CHD9: variants seen among roughly 807,000 people sequenced by gnomAD.
CHD9 encodes the protein chromodomain helicase DNA binding protein 9, also known as ATP-dependent chromatin remodeler CHD9.
A neutral mutation model predicts 316.1 loss-of-function variants in CHD9; 77 were observed. The observed-to-expected ratio is 0.24, with a 90% CI of 0.20 to 0.29. The LOEUF (loss-of-function observed/expected upper bound fraction) is 0.29. Among genes scored for constraint, CHD9 ranks in the 10% least tolerant of loss-of-function variants. The pLI is 1.00. For synonymous variants in CHD9, 1,129 were observed against 1,158.3 expected (o/e 0.97, Z 0.51); for missense variants, 2,763 against 3,438.1 (o/e 0.80, Z 4.91).
At chr16:53,302,565 T>C (rs1237050240) in intron 30 of CHD9, among the ~76,000 whole-genome samples, 1 of 152,216 alleles carries the variant, frequency 6.6e-6, no homozygotes, top group East Asian at 1.9e-4. Flanking sequence ...GCTTCACAAA[T>C]CTTGTTTCTT....
intron 13 of CHD9, among the ~76,000 whole-genome samples, chr16:53,243,941 A>C (rs1414701710): frequency 6.6e-6 from 1 of 152,096 alleles, no homozygotes; most frequent in Non-Finnish European, 1.5e-5. Context: ...CTCCCTGTCC[A>C]TCTATGCCAC....
intron 1 of CHD9, among the ~76,000 whole-genome samples, chr16:53,101,482 C>G (rs888490843): frequency 6.6e-6 from 1 of 151,994 alleles, no homozygotes; most frequent in Non-Finnish European, 1.5e-5. Flanking sequence ...ACTAAATTGC[C>G]CAGGCCGACA....
intron 1 of CHD9, among the ~76,000 whole-genome samples, chr16:53,080,736 G>T (rs992035429): frequency 3.3e-5 from 5 of 152,266 alleles, no homozygotes; most frequent in African/African-American, 1.2e-4. Context: ...GAAGAGATTT[G>T]TCTGTGCAAA....
At chr16:53,303,182 G>GTTT (rs375440655) in intron 30 of CHD9, among the ~76,000 whole-genome samples, 31 of 133,884 alleles carry the variant, frequency 2.3e-4, no homozygotes, top group East Asian at 8.8e-4. Flanking sequence ...AATATTATGA[G>GTTT]TTTTTTTTTT....
intron 4 of CHD9, chr16:53,223,345 C>T (rs1319759140): frequency 1.3e-5 from 2 of 151,518 alleles, no homozygotes; most frequent in Non-Finnish European, 2.9e-5. Context: ...AGGCCACCCT[C>T]TGCTCTCTAA....
At chr16:53,176,184 G>A (rs1209481009) in intron 2 of CHD9, among the ~76,000 whole-genome samples, 1 of 152,162 alleles carries the variant, frequency 6.6e-6, no homozygotes, top group Admixed American at 6.5e-5. Context: ...AAGCTCTAGG[G>A]GATGATCAAT....
intron 38 of CHD9, among the ~76,000 whole-genome samples, 197 bp downstream of exon 38, chr16:53,321,827 T>C (rs1231824815): frequency 6.6e-6 from 1 of 152,232 alleles, no homozygotes; most frequent in East Asian, 1.9e-4. Context: ...CAATACTGAT[T>C]TGTTTTTACA....
chr16:53,287,820 C>T (rs2054013475), intron 26 of CHD9, 137 bp from the exon 27 acceptor site: 6 of 670,864 alleles, frequency 8.9e-6, no homozygotes, highest in Admixed American at 5.1e-5. Context: ...CCTGCTGTGT[C>T]TTGGGCTCTT....
At chr16:53,227,854 G>A (rs1175008794) in intron 7 of CHD9, among the ~76,000 whole-genome samples, 1 of 152,058 alleles carries the variant, frequency 6.6e-6, no homozygotes, top group Non-Finnish European at 1.5e-5. Flanking sequence ...GGGAGGCCAA[G>A]GCGGTCATAT....
chr16:53,267,204 A>G, intron 20 of CHD9, 90 bp from the exon 21 acceptor site: 1 of 756,524 alleles, frequency 1.3e-6, no homozygotes, highest in Non-Finnish European at 2.0e-6. Flanking sequence ...GTGTTTCTGT[A>G]ATTATTGTTT....
chr16:53,183,872 T>G (rs1195666996), intron 2 of CHD9, among the ~76,000 whole-genome samples: 1 of 152,248 alleles, frequency 6.6e-6, no homozygotes, highest in African/African-American at 2.4e-5. Flanking sequence ...TTTAGTGTCC[T>G]CATTCATAAA....
intron 26 of CHD9, 42 bp from the exon 27 acceptor site, chr16:53,287,915 A>C (rs755877058): frequency 6.9e-7 from 1 of 1,454,726 alleles, no homozygotes; most frequent in East Asian, 2.3e-5. Flanking sequence ...TGAAATCTTA[A>C]GTCCATTACA....
At chr16:53,124,447 A>G (rs935853806) in intron 1 of CHD9, among the ~76,000 whole-genome samples, 10 of 146,842 alleles carry the variant, frequency 6.8e-5, no homozygotes, top group African/African-American at 2.5e-4. Context: ...TTATAAAACC[A>G]TCAGATCTGG....
chr16:53,261,993 G>A (rs1394311072), intron 19 of CHD9, among the ~76,000 whole-genome samples: 10 of 152,050 alleles, frequency 6.6e-5, no homozygotes, highest in Admixed American at 6.5e-4. Flanking sequence ...TCTTTTTAAT[G>A]TGGGATTTTT....
chr16:53,160,768 G>A (rs1328294707), intron 2 of CHD9, among the ~76,000 whole-genome samples: 2 of 152,266 alleles, frequency 1.3e-5, no homozygotes, highest in East Asian at 3.9e-4. Context: ...TTAGCTGGGC[G>A]TGGTGGCCCA....
intron 1 of CHD9, among the ~76,000 whole-genome samples, chr16:53,089,988 C>A (rs948463795): frequency 3.3e-5 from 5 of 152,204 alleles, no homozygotes; most frequent in African/African-American, 1.2e-4. Context: ...GGGCTGGTTC[C>A]TGGACTTCTT....
At chr16:53,303,644 A>G in intron 30 of CHD9, 76 bp from the exon 31 acceptor site, 1 of 1,011,822 alleles carries the variant, frequency 9.9e-7, no homozygotes, top group Non-Finnish European at 1.4e-6. Flanking sequence ...AAATATATAA[A>G]GATGTATTTA....
intron 1 of CHD9, among the ~76,000 whole-genome samples, chr16:53,113,411 C>T (rs1037068427): frequency 1.4e-5 from 2 of 141,246 alleles, no homozygotes; most frequent in Admixed American, 7.4e-5. Context: ...CTCCTGGGCT[C>T]AAGCAATTCT....
intron 2 of CHD9, among the ~76,000 whole-genome samples, chr16:53,185,298 A>G (rs2043889415): frequency 6.6e-6 from 1 of 152,194 alleles, no homozygotes; most frequent in Non-Finnish European, 1.5e-5. Context: ...GTGGTCTCAG[A>G]TGGAGATGGG....
Sources: allele counts gnomAD v4.1 joint callset (sites outside exome capture counted in the v4.1 genomes callset), GRCh38; gene constraint gnomAD v4.1.1; transcripts MANE v1.5; gene names NCBI Gene and HGNC (gene_info 2026-07-23, HGNC 2026-07-21).